Variants in CSMD1 observed in about 807,000 individuals in gnomAD.
CSMD1 encodes the protein CUB and sushi domain-containing protein 1.
A neutral mutation model predicts 417.5 loss-of-function variants in CSMD1; 213 were observed. The ratio of observed to expected loss-of-function variants is 0.51; its 90% CI spans 0.46 to 0.57. The LOEUF is 0.57. Among genes scored for constraint, CSMD1 ranks in the 20% least tolerant of loss-of-function variants. The probability of loss-of-function intolerance (pLI) is 0.00; values close to 1 mark genes in which losing one functional copy is unlikely to be tolerated. For synonymous variants in CSMD1, 2,862 were observed against 1,736.8 expected, an observed-to-expected ratio of 1.65 and a Z score of -16.11; for missense variants, 6,923 against 4,529.7, an observed-to-expected ratio of 1.53 and a Z score of -15.17.
At chr8:4,881,766 T>A (rs1252289130) in intron 1 of CSMD1, among the ~76,000 whole-genome samples, 1 of 152,042 alleles carries the variant, frequency 6.6e-6, no homozygotes, top group Non-Finnish European at 1.5e-5. Context: ...ACTGTTGACA[T>A]TGTACAGCAT....
intron 3 of CSMD1, among the ~76,000 whole-genome samples, chr8:4,156,730 CCAGT>C (rs1235948481): frequency 2.0e-5 from 3 of 152,068 alleles, no homozygotes; most frequent in African/African-American, 7.2e-5. Context: ...TGCAGTGGGG[CCAGT>C]GACAGCTTCA....
chr8:3,576,909 C>G (rs1311155416), intron 9 of CSMD1, among the ~76,000 whole-genome samples: 1 of 152,226 alleles, frequency 6.6e-6, no homozygotes, highest in Non-Finnish European at 1.5e-5. Flanking sequence ...CTTTTTAACA[C>G]TTCATAATTA....
intron 2 of CSMD1, among the ~76,000 whole-genome samples, chr8:4,461,297 A>T (rs1352969922): frequency 2.6e-5 from 4 of 152,022 alleles, no homozygotes; most frequent in Non-Finnish European, 5.9e-5. Context: ...AATATTGAAC[A>T]TTTTCTGCCT....
rs560780480 is a variant in CSMD1 at position 3,891,889 on chromosome 8, A to G, written c.818+106014T>C. ...AAGGCTAGTTACTGACACGTTTATT[A>G]TGTCCACATGATTTACAAAATTATC... On this transcript the variant is annotated intron_variant, in intron 5 of 69. Coordinates refer to ENST00000635120, the MANE Select transcript of CSMD1 (RefSeq NM_033225.6). Among the ~76,000 whole-genome samples, 24 of 152,306 alleles carry G rather than the reference A, an allele frequency of 1.6e-4. No individual in the cohort carries two copies. The South Asian group carries it at 5.0e-3, about 32-fold the overall frequency.
chr8:4,355,203 A>C (rs1801350677), intron 3 of CSMD1, among the ~76,000 whole-genome samples: 2 of 151,962 alleles, frequency 1.3e-5, no homozygotes, highest in African/African-American at 4.8e-5. Context: ...CGGAGCTTGC[A>C]ATGATCCGAG....
At position 4,814,059 on chromosome 8, in the gene CSMD1, G is replaced by A. The variant is rs187606940; in HGVS notation, c.86-176501C>T. 1.0e-3 allele frequency among the ~76,000 whole-genome samples: 154 copies of A among 152,250 alleles called. 2 individuals are homozygous for A. The highest frequency in any genetic ancestry group is 3.6e-3 in the African/African-American group (150 of 41,534). The stretch of plus-strand genomic sequence containing the variant: ...GGAGAAAGTAATGTACAGTTTTGAT[G>A]GCAATAACCTTTAAAAAATAATTTC... On this transcript the variant is annotated intron_variant, in intron 1 of 69. Transcript: ENST00000635120.
Position 4,484,980 on chromosome 8 carries a change from C to CAAAAAAAAAAAAAAAAA in CSMD1, c.303-64932_303-64916dup, listed in dbSNP as rs57398278. ...TGGTTGACAGAGTGAGACTCTGCCT[C>CAAAAAAAAAAAAAAAAA]AAAAAAAAAAAAAAAAAAAAAAAAA... is the stretch of plus-strand genomic sequence containing the variant. On this transcript the variant is annotated intron_variant, in intron 2 of 69. Coordinates refer to ENST00000635120, the MANE Select transcript of CSMD1 (RefSeq NM_033225.6). Among the ~76,000 whole-genome samples, 37 of 53,940 alleles carry CAAAAAAAAAAAAAAAAA rather than the reference C, an allele frequency of 6.9e-4. 3 individuals carry two copies. The highest frequency in any genetic ancestry group is 0.018 in the Middle Eastern group (1 of 56). 35.4% of individuals were successfully genotyped at this position (53,940 alleles called of 152,430 possible). A position where few individuals can be genotyped will look rare whatever the true frequency, so the allele number is the denominator to read the frequency against.
At chr8:4,625,819 G>C (rs1802071230) in intron 2 of CSMD1, among the ~76,000 whole-genome samples, 1 of 152,066 alleles carries the variant, frequency 6.6e-6, no homozygotes, top group Non-Finnish European at 1.5e-5. Flanking sequence ...TGCCTCCCAA[G>C]TTCAAGCTAT....
At chr8:3,371,490 T>TA (rs1809944359) in intron 18 of CSMD1, among the ~76,000 whole-genome samples, 1 of 150,048 alleles carries the variant, frequency 6.7e-6, no homozygotes, top group Non-Finnish European at 1.5e-5. Flanking sequence ...TTTTTTTTTT[T>TA]AACATGCCCA....
At chr8:3,130,725 C>A (rs1375805656) in intron 41 of CSMD1, among the ~76,000 whole-genome samples, 2 of 151,914 alleles carry the variant, frequency 1.3e-5, no homozygotes, top group Non-Finnish European at 2.9e-5. Context: ...CAATGCCACC[C>A]CAGAGAGTGG....
At chr8:4,637,177 C>T (rs567390135) in intron 2 of CSMD1, among the ~76,000 whole-genome samples, 165 bp downstream of exon 2, 1 of 151,792 alleles carries the variant, frequency 6.6e-6, no homozygotes, top group Non-Finnish European at 1.5e-5. Flanking sequence ...AGCTGGAAAA[C>T]TCACCCCAAA....
At chr8:4,560,269 C>T (rs1414230916) in intron 2 of CSMD1, among the ~76,000 whole-genome samples, 2 of 152,220 alleles carry the variant, frequency 1.3e-5, no homozygotes, top group African/African-American at 2.4e-5. Flanking sequence ...AAGCCCCTGA[C>T]TATGTGACGA....
chr8:4,086,034 C>G (rs1242927629), intron 3 of CSMD1, among the ~76,000 whole-genome samples: 1 of 152,108 alleles, frequency 6.6e-6, no homozygotes, highest in East Asian at 1.9e-4. Context: ...GTCCTGTTTT[C>G]AACAAAAAAT....
chr8:4,214,910 G>C lies in CSMD1; in HGVS notation c.416-182811C>G, dbSNP rs191292611. 2.0e-3 allele frequency among the ~76,000 whole-genome samples: 297 copies of C among 150,164 alleles called. 1 individual carries two copies. The highest frequency in any genetic ancestry group is 2.6e-3 in the Non-Finnish European group (170 of 66,542). On this transcript the variant is annotated intron_variant, in intron 3 of 69. Transcript: ENST00000635120. ...TATTCTTTTTTAAGTTTTACAACTT[G>C]TTTTTGTTTTCAGCTCACTTTTAAT...
At chr8:4,725,824 T>C (rs1288931409) in intron 1 of CSMD1, among the ~76,000 whole-genome samples, 1 of 152,154 alleles carries the variant, frequency 6.6e-6, no homozygotes, top group African/African-American at 2.4e-5. Context: ...CTGAGTGTAA[T>C]GTTCACGACG....
chr8:4,144,669 A>G (rs367710933), intron 3 of CSMD1, among the ~76,000 whole-genome samples: 6 of 151,128 alleles, frequency 4.0e-5, no homozygotes, highest in Non-Finnish European at 7.3e-5. Context: ...CAGGACCTCT[A>G]TGTCCCGACT....
intron 3 of CSMD1, among the ~76,000 whole-genome samples, chr8:4,173,250 A>T (rs1241619743): frequency 6.6e-6 from 1 of 152,190 alleles, no homozygotes; most frequent in Non-Finnish European, 1.5e-5. Context: ...CTCACGCAAC[A>T]TTTGGAATGT....
At chr8:3,616,568 G>GATTACACAAATTT in intron 8 of CSMD1, 142 bp downstream of exon 8, 2 of 603,580 alleles carry the variant, frequency 3.3e-6, no homozygotes, top group Middle Eastern at 2.7e-4. Flanking sequence ...AAGACAAATT[G>GATTACACAAATTT]TGATTACACA....
chr8:4,834,266 G>C (rs560843386), intron 1 of CSMD1, among the ~76,000 whole-genome samples: 2 of 152,306 alleles, frequency 1.3e-5, no homozygotes, highest in South Asian at 2.1e-4. Context: ...AGGACATCAA[G>C]TATCTACCGA....
Sources: gnomAD v4.1 joint callset for allele counts (sites outside exome capture counted in the v4.1 genomes callset) on GRCh38, gnomAD v4.1.1 for gene constraint, MANE v1.5 for transcripts, NCBI Gene and HGNC (gene_info 2026-07-23, HGNC 2026-07-21) for gene names.